The following AUTS2 variants were observed in gnomAD, a reference collection of about 807,000 sequenced individuals.
The protein encoded by AUTS2 is activator of transcription and developmental regulator AUTS2.
Under a neutral mutation model 112.4 loss-of-function variants are expected in AUTS2, and 17 were observed. That is an observed-to-expected ratio of 0.15 (90% confidence interval 0.10 to 0.23). The LOEUF is 0.23. AUTS2 is among the 10% of genes least tolerant of loss of function. AUTS2 has a pLI of 1.00. For missense variants in AUTS2, 1,510 were observed against 1,701.6 expected, an observed-to-expected ratio of 0.89 and a Z score of 1.98; for synonymous variants, 751 against 702.7, an observed-to-expected ratio of 1.07 and a Z score of -1.09.
intron 4 of AUTS2, among the ~76,000 whole-genome samples, chr7:70,328,057 G>C (rs544021806): frequency 6.6e-6 from 1 of 152,306 alleles, no homozygotes; most frequent in East Asian, 1.9e-4. Context: ...CAATGATGGA[G>C]AGAAGCTCTA....
At chr7:70,283,414 T>G in intron 4 of AUTS2, among the ~76,000 whole-genome samples, 1 of 152,170 alleles carries the variant, frequency 6.6e-6, no homozygotes, top group East Asian at 1.9e-4. Context: ...TCTAAAAAAC[T>G]ACACTAACAA....
intron 6 of AUTS2, among the ~76,000 whole-genome samples, chr7:70,750,538 C>A (rs1788751298): frequency 1.3e-5 from 2 of 151,718 alleles, no homozygotes; most frequent in African/African-American, 4.9e-5. Context: ...GTAGCTGGGA[C>A]TACAGGCACA....
At chr7:69,662,033 C>T (rs1331194713) in intron 1 of AUTS2, among the ~76,000 whole-genome samples, 3 of 152,060 alleles carry the variant, frequency 2.0e-5, no homozygotes, top group Admixed American at 2.0e-4. Context: ...TCTTTATTTG[C>T]TCCTTTTATC....
At chr7:70,253,781 G>A (rs529483472) in intron 4 of AUTS2, among the ~76,000 whole-genome samples, 1 of 151,824 alleles carries the variant, frequency 6.6e-6, no homozygotes, top group Admixed American at 6.6e-5. Context: ...AATACTATTT[G>A]AGATGAGAAA....
chr7:70,700,916 C>T (rs1809422676), intron 6 of AUTS2, among the ~76,000 whole-genome samples: 5 of 152,192 alleles, frequency 3.3e-5, no homozygotes, highest in Admixed American at 3.3e-4. Flanking sequence ...TATCTTTGTC[C>T]AGTATCTTTA....
chr7:70,161,344 CTATG>C (rs1808066043), intron 4 of AUTS2, among the ~76,000 whole-genome samples: 1 of 150,834 alleles, frequency 6.6e-6, no homozygotes, highest in African/African-American at 2.4e-5. Flanking sequence ...AATCTTTATT[CTATG>C]TTAAATATGC....
At chr7:69,833,085 A>G (rs1791570185) in intron 1 of AUTS2, among the ~76,000 whole-genome samples, 1 of 152,188 alleles carries the variant, frequency 6.6e-6, no homozygotes, top group African/African-American at 2.4e-5. Context: ...AGCTTTAAAC[A>G]GAATCAACTA....
At position 70,450,875 on chromosome 7, in the gene AUTS2, C is replaced by T. The variant is rs576072589; in HGVS notation, c.690+15094C>T. ...TGGGAAGGGGGGTCAAGGGAGGAATCGTGGATGACTCAGGTTTCAAGTCAG... is the reference window on the plus strand; with the variant it reads ...TGGGAAGGGGGGTCAAGGGAGGAATTGTGGATGACTCAGGTTTCAAGTCAG... On this transcript the variant is annotated intron_variant, in intron 5 of 18. Coordinates refer to ENST00000342771, the MANE Select transcript of AUTS2 (RefSeq NM_015570.4). Among the ~76,000 whole-genome samples the T allele has an allele frequency of 2.6e-5, 4 of 152,128 alleles. No individual in the cohort carries two copies. In the South Asian group the frequency reaches 8.3e-4, roughly 32 times the overall value.
rs563653771 is a variant in AUTS2, at chr7:70,399,845, G to A, written c.661-35907G>A. Among the ~76,000 whole-genome samples, 15 of 152,324 alleles carry A rather than the reference G, an allele frequency of 9.8e-5. No individual in the cohort carries two copies. The South Asian group carries it at 3.1e-3, about 32-fold the overall frequency. ...TAAGCATACAGCCCAGTGGAGGAGA[G>A]CAGAAGTGTGTAGACTAGAGAATAG... is the stretch of plus-strand genomic sequence containing the variant. On this transcript the variant is annotated intron_variant, in intron 4 of 18. Coordinates refer to ENST00000342771, the MANE Select transcript of AUTS2 (RefSeq NM_015570.4).
intron 4 of AUTS2, among the ~76,000 whole-genome samples, chr7:70,311,699 G>A (rs1562871521): frequency 1.3e-5 from 2 of 151,844 alleles, no homozygotes; most frequent in Non-Finnish European, 2.9e-5. Flanking sequence ...TGGGATTACA[G>A]GTGCCCGCCA....
In AUTS2 at chr7:70,134,590, C is replaced by T; in HGVS notation, c.660+19C>T. 6.2e-7 allele frequency: 1 copy of T among 1,611,754 alleles called. No homozygotes were observed. The highest frequency in any genetic ancestry group is 8.5e-7 in the Non-Finnish European group (1 of 1,178,066). On this transcript the variant is annotated intron_variant, in intron 4 of 18. Coordinates refer to ENST00000342771, the MANE Select transcript of AUTS2 (RefSeq NM_015570.4). ...CTACTTCGTAAGTCTATCTCAACTT[C>T]CACATATGTGCCTTGCATTGGCATT...
intron 1 of AUTS2, among the ~76,000 whole-genome samples, chr7:69,896,271 A>G (rs1027847538): frequency 1.3e-5 from 2 of 152,214 alleles, no homozygotes; most frequent in African/African-American, 2.4e-5. Context: ...TGTGAAATCA[A>G]TGGCCATGTG....
chr7:69,821,035 C>T (rs1790967019), intron 1 of AUTS2, among the ~76,000 whole-genome samples: 1 of 152,094 alleles, frequency 6.6e-6, no homozygotes, highest in Non-Finnish European at 1.5e-5. Flanking sequence ...TTTTATTTGC[C>T]TAAGGCTACT....
intron 5 of AUTS2, among the ~76,000 whole-genome samples, chr7:70,584,483 A>C (rs1388841424): frequency 6.6e-6 from 1 of 152,232 alleles, no homozygotes; most frequent in Non-Finnish European, 1.5e-5. Context: ...TTTCAGGCAG[A>C]AATGAAACTG....
chr7:70,029,901 C>T (rs929484758), intron 2 of AUTS2, among the ~76,000 whole-genome samples: 2 of 152,136 alleles, frequency 1.3e-5, no homozygotes, highest in Non-Finnish European at 2.9e-5. Flanking sequence ...TATAATTTAC[C>T]AACCTCTGGC....
intron 4 of AUTS2, among the ~76,000 whole-genome samples, chr7:70,350,314 A>T (rs928481843): frequency 2.1e-4 from 32 of 152,338 alleles, no homozygotes; most frequent in Admixed American, 3.3e-4. Context: ...TATTTCATAT[A>T]TATACCAAAA....
chr7:70,740,679 T>A (rs960509695), intron 6 of AUTS2, among the ~76,000 whole-genome samples: 1 of 152,086 alleles, frequency 6.6e-6, no homozygotes, highest in African/African-American at 2.4e-5. Flanking sequence ...TCGTACTTAT[T>A]TGAATATATA....
At chr7:70,604,670 A>G (rs1380307644) in intron 5 of AUTS2, among the ~76,000 whole-genome samples, 1 of 152,196 alleles carries the variant, frequency 6.6e-6, no homozygotes, top group Non-Finnish European at 1.5e-5. Context: ...ATCCCTGCTC[A>G]CCTCTGCCTC....
Position 70,058,070 on chromosome 7 carries a change from A to G in AUTS2, c.523-60062A>G, listed in dbSNP as rs752439978. 7.2e-5 allele frequency among the ~76,000 whole-genome samples: 11 copies of G among 152,240 alleles called. No individual in the cohort carries two copies. In the East Asian group the frequency reaches 1.7e-3, roughly 24 times the overall value. Reference sequence around the variant, plus strand: ...CACATGTTTCATTGGAATAGCTTCTATTAGTGACAATACCTCCTATATTTT... The same window carrying G: ...CACATGTTTCATTGGAATAGCTTCTGTTAGTGACAATACCTCCTATATTTT... On this transcript the variant is annotated intron_variant, in intron 2 of 18. Transcript: ENST00000342771.
Sources: allele counts gnomAD v4.1 joint callset (sites outside exome capture counted in the v4.1 genomes callset), GRCh38; gene constraint gnomAD v4.1.1; transcripts MANE v1.5; gene names NCBI Gene and HGNC (gene_info 2026-07-23, HGNC 2026-07-21).